The following NHEJ1 variants were observed in gnomAD, a reference collection of about 807,000 sequenced individuals.
The protein encoded by NHEJ1 is non-homologous end joining factor 1.
In NHEJ1, 22 loss-of-function variants were observed where a neutral mutation model predicts 39.4. The observed-to-expected ratio is 0.56, with a 90% CI of 0.40 to 0.80. NHEJ1 has a LOEUF of 0.80. Ranked by LOEUF, NHEJ1 falls within the 30% of genes least tolerant of loss-of-function variation. NHEJ1 has a pLI of 0.00. For missense variants in NHEJ1, 329 were observed against 357.1 expected (o/e 0.92, Z 0.63); for synonymous variants, 154 against 135.6 (o/e 1.14, Z -0.94).
intron 5 of NHEJ1, among the ~76,000 whole-genome samples, chr2:219,089,670 A>G (rs1949144056): frequency 6.6e-6 from 1 of 152,250 alleles, no homozygotes; most frequent in Non-Finnish European, 1.5e-5. Context: ...TTATGGTTGC[A>G]TAACCTTGTG....
chr2:219,110,914 T>C (rs1475627304), intron 5 of NHEJ1, among the ~76,000 whole-genome samples: 3 of 152,122 alleles, frequency 2.0e-5, no homozygotes, highest in Non-Finnish European at 2.9e-5. Flanking sequence ...CTGGGCTGAC[T>C]GCATGTTGGA....
intron 5 of NHEJ1, among the ~76,000 whole-genome samples, chr2:219,098,601 T>G (rs947846364): frequency 1.4e-4 from 22 of 152,164 alleles, no homozygotes; most frequent in African/African-American, 5.3e-4. Context: ...TTAGGGAAAT[T>G]TAACTGCCTG....
intron 5 of NHEJ1, among the ~76,000 whole-genome samples, chr2:219,093,787 T>C (rs1320483111): frequency 6.6e-6 from 1 of 152,200 alleles, no homozygotes; most frequent in Non-Finnish European, 1.5e-5. Flanking sequence ...ATAGTAAAAA[T>C]ATTTTAAAAA....
In NHEJ1 at chr2:219,072,718, C is replaced by A. The variant is rs143862395; in HGVS notation, c.*3663G>T. On this transcript the variant is annotated 3_prime_UTR_variant, in exon 8 of 8. Coordinates refer to ENST00000356853, the MANE Select transcript of NHEJ1 (RefSeq NM_024782.3). ...GTCTACATTAACAGCATAAGCAGAA[C>A]AGACAAAGTGAGCTTACCATATCAT... Among the ~76,000 whole-genome samples, 7 of 148,514 alleles carry A rather than the reference C, an allele frequency of 4.7e-5. No individual in the cohort carries two copies. The highest frequency in any genetic ancestry group is 1.6e-4 in the African/African-American group (6 of 38,024).
At chr2:219,136,286 C>CTTTT (rs36102678) in intron 5 of NHEJ1, among the ~76,000 whole-genome samples, 1 of 125,868 alleles carries the variant, frequency 7.9e-6, no homozygotes, top group Admixed American at 8.0e-5. Flanking sequence ...CACTTGGTTT[C>CTTTT]TTTTTTTTTT....
chr2:219,082,574 T>G (rs1032310406), intron 5 of NHEJ1, among the ~76,000 whole-genome samples: 1 of 152,240 alleles, frequency 6.6e-6, no homozygotes, highest in African/African-American at 2.4e-5. Flanking sequence ...AGGCTAGATC[T>G]GATCTACTGC....
intron 5 of NHEJ1, among the ~76,000 whole-genome samples, chr2:219,086,996 G>A (rs1005850516): frequency 6.6e-6 from 1 of 152,014 alleles, no homozygotes; most frequent in Non-Finnish European, 1.5e-5. Context: ...AGAGGGGCTC[G>A]GGGAACGCAA....
intron 5 of NHEJ1, among the ~76,000 whole-genome samples, chr2:219,129,505 C>T (rs1026240495): frequency 3.3e-5 from 5 of 152,168 alleles, no homozygotes; most frequent in South Asian, 2.1e-4. Context: ...AACCTTCCTC[C>T]CTCTCTGATT....
chr2:219,113,667 CA>C (rs1949385741), intron 5 of NHEJ1, among the ~76,000 whole-genome samples: 1 of 152,134 alleles, frequency 6.6e-6, no homozygotes, highest in East Asian at 1.9e-4. Context: ...TCTCCCCCTC[CA>C]TAAGTCTTCG....
rs1240411578 is a variant in NHEJ1 at position 219,073,473 on chromosome 2, G to C, written c.*2908C>G. On this transcript the variant is annotated 3_prime_UTR_variant, in exon 8 of 8. Transcript: ENST00000356853. ...GCATGAGAAAAGGAGGTGCTACCCA[G>C]CTAGAGTGGAAAGGGATGAGGCTTT... 6.6e-6 allele frequency among the ~76,000 whole-genome samples: 1 copy of C among 152,208 alleles called. No individual in the cohort carries two copies. The highest frequency in any genetic ancestry group is 1.9e-4 in the East Asian group (1 of 5,182).
chr2:219,076,282 T>A lies in NHEJ1; in HGVS notation c.*99A>T, dbSNP rs1292883425. ...CCCTTACAGGAGGCCTCTGACTGTA[T>A]CACTATTTTAGAAATATTGCTGCCA... is the stretch of plus-strand genomic sequence containing the variant. On this transcript the variant is annotated 3_prime_UTR_variant, in exon 8 of 8. Transcript: ENST00000356853. 1 of 1,606,638 alleles carries A rather than the reference T, an allele frequency of 6.2e-7. No individual in the cohort carries two copies. The highest frequency in any genetic ancestry group is 8.5e-7 in the Non-Finnish European group (1 of 1,176,380).
At chr2:219,141,379 C>CAAA (rs1351205366) in intron 5 of NHEJ1, among the ~76,000 whole-genome samples, 1 of 78,356 alleles carries the variant, frequency 1.3e-5, no homozygotes. Context: ...GACTTGGTCT[C>CAAA]AAAAAAAAAA....
chr2:219,102,355 T>C (rs907089079), intron 5 of NHEJ1: 1 of 152,230 alleles, frequency 6.6e-6, no homozygotes, highest in African/African-American at 2.4e-5. Context: ...AACTCATTCT[T>C]GTTTTAATGT....
chr2:219,138,523 A>G (rs888070246), intron 5 of NHEJ1, among the ~76,000 whole-genome samples: 1 of 152,258 alleles, frequency 6.6e-6, no homozygotes, highest in South Asian at 2.1e-4. Context: ...TTCTTCTTCT[A>G]TTCAACAAAC....
At chr2:219,094,617 C>G (rs1949189822) in intron 5 of NHEJ1, among the ~76,000 whole-genome samples, 1 of 152,182 alleles carries the variant, frequency 6.6e-6, no homozygotes, top group Non-Finnish European at 1.5e-5. Flanking sequence ...ATCTCACACT[C>G]TTTTGGATCT....
intron 5 of NHEJ1, among the ~76,000 whole-genome samples, chr2:219,143,715 G>A (rs532398008): frequency 1.3e-5 from 2 of 152,250 alleles, no homozygotes; most frequent in Admixed American, 6.5e-5. Flanking sequence ...TGAAGTAGCT[G>A]GTTCCAAAAC....
rs1037770282 is a variant in NHEJ1, at chr2:219,070,648, C to T, written c.*5733G>A. On this transcript the variant is annotated 3_prime_UTR_variant, in exon 8 of 8. Transcript: ENST00000356853. Reference sequence around the variant, plus strand: ...CATGGAGCCCAGTCTTAAATTTCCCCTTTAGCACAATCCAGACACTCAATC... The same window carrying T: ...CATGGAGCCCAGTCTTAAATTTCCCTTTTAGCACAATCCAGACACTCAATC... Among the ~76,000 whole-genome samples, 3 of 152,298 alleles carry T rather than the reference C, an allele frequency of 2.0e-5. No homozygotes were observed. Among genetic ancestry groups the T allele is most frequent in the South Asian group, 2.1e-4 (1 of 4,830 alleles).
At position 219,158,209 on chromosome 2, in the gene NHEJ1, T is replaced by C; in HGVS notation, c.154A>G (p.Ser52Gly). 6.2e-7 allele frequency: 1 copy of C among 1,614,158 alleles called. No individual in the cohort carries two copies. Among genetic ancestry groups the C allele is most frequent in the Non-Finnish European group, 8.5e-7 (1 of 1,180,020 alleles). ...ACCTTGGCTCGCTGGCTGACCACAC[T>C]AGTGTCCACCTGTTCATGCCACACC... is the stretch of plus-strand genomic sequence containing the variant. ...QQVWHEQVDT[S>G]VVSQRAKELN... is the part of the protein sequence containing the mutation. Residue 52 changes from serine (S) to glycine (G), a missense_variant, in exon 2 of 8, where the codon AGT (serine) becomes GGT (glycine). By Grantham distance (56) the Ser-to-Gly change is moderately conservative. Coordinates refer to ENST00000356853, the MANE Select transcript of NHEJ1 (RefSeq NM_024782.3).
intron 3 of NHEJ1, among the ~76,000 whole-genome samples, chr2:219,155,758 T>TA (rs1405154276): frequency 6.9e-6 from 1 of 145,358 alleles, no homozygotes. Context: ...CTGTCTCTAC[T>TA]AAAAAATACA....
Sources: allele counts gnomAD v4.1 joint callset (sites outside exome capture counted in the v4.1 genomes callset), GRCh38; gene constraint gnomAD v4.1.1; transcripts MANE v1.5; gene names NCBI Gene and HGNC (gene_info 2026-07-23, HGNC 2026-07-21).